MALRD1: variants seen among roughly 807,000 people sequenced by gnomAD.
MALRD1 encodes MAM and LDL-receptor class A domain-containing protein 1.
Under a neutral mutation model 242.1 loss-of-function variants are expected in MALRD1, and 247 were observed. The ratio of observed to expected loss-of-function variants is 1.02; its 90% confidence interval spans 0.92 to 1.13. MALRD1 has a LOEUF of 1.13. Among genes scored for constraint, MALRD1 ranks in the 50% most tolerant of loss-of-function variants. MALRD1 has a pLI of 0.00. For missense variants in MALRD1, 2,989 were observed against 2,533.1 expected (o/e 1.18, Z -3.86); for synonymous variants, 995 against 866.6 (o/e 1.15, Z -2.60).
At chr10:19,727,009 T>C (rs931601899) in intron 38 of MALRD1, among the ~76,000 whole-genome samples, 4 of 152,188 alleles carry the variant, frequency 2.6e-5, no homozygotes, top group African/African-American at 9.6e-5. Context: ...ATTTTGGAAA[T>C]AGTGGTAATG....
At chr10:19,374,968 C>T (rs1043932310) in intron 26 of MALRD1, among the ~76,000 whole-genome samples, 1 of 152,036 alleles carries the variant, frequency 6.6e-6, no homozygotes, top group Non-Finnish European at 1.5e-5. Context: ...AACATTAGTC[C>T]CTACCACGTG....
intron 35 of MALRD1, among the ~76,000 whole-genome samples, chr10:19,613,428 T>A (rs1266504533): frequency 6.6e-6 from 1 of 151,986 alleles, no homozygotes; most frequent in Non-Finnish European, 1.5e-5. Context: ...AACTAGCCAA[T>A]GACCCAGCCA....
At chr10:19,301,853 T>C (rs1396395852) in intron 21 of MALRD1, among the ~76,000 whole-genome samples, 2 of 151,648 alleles carry the variant, frequency 1.3e-5, no homozygotes, top group East Asian at 1.9e-4. Flanking sequence ...ATGGACCCAT[T>C]GAACCTAAAA....
intron 2 of MALRD1, among the ~76,000 whole-genome samples, chr10:19,076,786 A>G (rs1372134120): frequency 6.6e-6 from 1 of 151,804 alleles, no homozygotes; most frequent in African/African-American, 2.4e-5. Flanking sequence ...TGTTTCTTCC[A>G]TTTCCATATG....
chr10:19,377,444 A>T (rs1004229147), intron 26 of MALRD1, among the ~76,000 whole-genome samples: 5 of 152,122 alleles, frequency 3.3e-5, no homozygotes, highest in Non-Finnish European at 7.4e-5. Flanking sequence ...CTAGATTCAG[A>T]TCTCAGGTCT....
At chr10:19,265,327 T>C (rs1839927555) in intron 19 of MALRD1, among the ~76,000 whole-genome samples, 1 of 151,042 alleles carries the variant, frequency 6.6e-6, no homozygotes, top group Non-Finnish European at 1.5e-5. Flanking sequence ...TTGAGTTTTT[T>C]TTATTTCTGA....
intron 21 of MALRD1, among the ~76,000 whole-genome samples, chr10:19,300,186 A>G (rs1192622501): frequency 2.0e-5 from 3 of 151,946 alleles, no homozygotes; most frequent in African/African-American, 7.2e-5. Context: ...CTTTATAACA[A>G]GAATTACGAA....
chr10:19,308,490 G>A (rs1470312873), intron 21 of MALRD1, among the ~76,000 whole-genome samples: 1 of 151,564 alleles, frequency 6.6e-6, no homozygotes, highest in African/African-American at 2.4e-5. Flanking sequence ...AGAGTGAGGA[G>A]GATAAACTTG....
intron 18 of MALRD1, among the ~76,000 whole-genome samples, chr10:19,238,463 AATATAATATATAATATACATT>A (rs1838547459): frequency 5.4e-5 from 2 of 36,978 alleles, no homozygotes; most frequent in African/African-American, 3.8e-4. Flanking sequence ...TATAATATAT[AATATAATATATAATATACATT>A]ATATATAATA....
intron 30 of MALRD1, among the ~76,000 whole-genome samples, chr10:19,495,796 G>A (rs182550084): frequency 9.6e-4 from 146 of 152,240 alleles, no homozygotes; most frequent in Middle Eastern, 3.4e-3. Context: ...ATATAAAAAA[G>A]CAAGACCAAG....
chr10:19,547,916 A>G (rs1835311516), intron 32 of MALRD1, among the ~76,000 whole-genome samples: 1 of 130,072 alleles, frequency 7.7e-6, no homozygotes, highest in Admixed American at 8.0e-5. Context: ...TTTCCCAACA[A>G]CTTGTGCTCG....
At chr10:19,047,358 GTGTGT>G (rs1834363626), upstream of MALRD1, among the ~76,000 whole-genome samples, 2 of 16,572 alleles carry the variant, frequency 1.2e-4, no homozygotes, top group East Asian at 5.3e-3. Flanking sequence ...TTAATTAGGT[GTGTGT>G]GTGTGTGTGT....
chr10:19,279,979 A>G (rs1840725815), intron 19 of MALRD1, 68 bp from the exon 20 acceptor site: 1 of 1,252,458 alleles, frequency 8.0e-7, no homozygotes, highest in East Asian at 2.7e-5. Flanking sequence ...TTCATTGTGT[A>G]AAATCTCTAA....
chr10:19,640,040 G>A (rs1307068645), intron 36 of MALRD1, among the ~76,000 whole-genome samples: 1 of 152,090 alleles, frequency 6.6e-6, no homozygotes, highest in Non-Finnish European at 1.5e-5. Context: ...ACTCCCCATT[G>A]ACTGTGAGGC....
At chr10:19,047,609 G>A (rs1834370117), upstream of MALRD1, among the ~76,000 whole-genome samples, 1 of 152,094 alleles carries the variant, frequency 6.6e-6, no homozygotes, top group African/African-American at 2.4e-5. Flanking sequence ...ATTAGTATTT[G>A]TTTGCAAAAC....
At chr10:19,204,225 C>G in intron 15 of MALRD1, 83 bp from the exon 16 acceptor site, 1 of 839,552 alleles carries the variant, frequency 1.2e-6, no homozygotes, top group Non-Finnish European at 1.9e-6. Flanking sequence ...TGATCTTGCT[C>G]AGTGTAGGGT....
chr10:19,448,942 C>T (rs1173182150), intron 28 of MALRD1, among the ~76,000 whole-genome samples: 3 of 152,002 alleles, frequency 2.0e-5, no homozygotes, highest in African/African-American at 7.2e-5. Flanking sequence ...GTGATTTCTC[C>T]AACATGTTTC....
chr10:19,303,066 G>A (rs996336972), intron 21 of MALRD1, among the ~76,000 whole-genome samples: 8 of 151,082 alleles, frequency 5.3e-5, no homozygotes, highest in Non-Finnish European at 1.2e-4. Flanking sequence ...GGCTAAATAC[G>A]CAATTGAAAG....
At chr10:19,702,980 A>G (rs1833692155) in intron 38 of MALRD1, among the ~76,000 whole-genome samples, 1 of 152,210 alleles carries the variant, frequency 6.6e-6, no homozygotes, top group African/African-American at 2.4e-5. Flanking sequence ...GCACAGGAAC[A>G]AGCCTCTTAA....
Sources: gnomAD v4.1 joint callset for allele counts (sites outside exome capture counted in the v4.1 genomes callset) on GRCh38, gnomAD v4.1.1 for gene constraint, MANE v1.5 for transcripts, NCBI Gene and HGNC (gene_info 2026-07-23, HGNC 2026-07-21) for gene names.